The following MYLK variants were observed in gnomAD, a reference collection of about 807,000 sequenced individuals.
The protein encoded by MYLK is myosin light chain kinase, also known as myosin light chain kinase, smooth muscle.
MYLK carries 106 observed loss-of-function variants against 203.4 expected under a neutral mutation model. The ratio of observed to expected loss-of-function variants is 0.52; its 90% CI spans 0.45 to 0.61. MYLK has a LOEUF of 0.61. Ranked by LOEUF, MYLK falls within the 20% of genes least tolerant of loss-of-function variation. The pLI, the probability that MYLK is intolerant of heterozygous loss-of-function variation, is 0.00. For synonymous variants in MYLK, 867 were observed against 959.5 expected (o/e 0.90, Z 1.78); for missense variants, 2,072 against 2,442.3 (o/e 0.85, Z 3.20).
chr3:123,876,903 G>A (rs866187879), intron 1 of MYLK, among the ~76,000 whole-genome samples: 1 of 152,156 alleles, frequency 6.6e-6, no homozygotes, highest in Admixed American at 6.5e-5. Flanking sequence ...ATTTTAGCAT[G>A]AGAAAAATTA....
At chr3:123,780,259 C>A (rs2109027175) in intron 4 of MYLK, among the ~76,000 whole-genome samples, 1 of 152,118 alleles carries the variant, frequency 6.6e-6, no homozygotes, top group African/African-American at 2.4e-5. Context: ...TGTGGTGAAA[C>A]CCCATCTCTA....
intron 4 of MYLK, among the ~76,000 whole-genome samples, chr3:123,777,622 G>A (rs932363109): frequency 2.0e-5 from 3 of 152,206 alleles, no homozygotes; most frequent in Non-Finnish European, 2.9e-5. Context: ...CAGATGAGGC[G>A]AAGAGCAGTG....
At chr3:123,753,757 C>A (rs2063279320) in intron 4 of MYLK, among the ~76,000 whole-genome samples, 1 of 152,118 alleles carries the variant, frequency 6.6e-6, no homozygotes, top group African/African-American at 2.4e-5. Flanking sequence ...CAGCCAAGGA[C>A]CCAGAATTGG....
chr3:123,835,812 T>G (rs1446869430), intron 2 of MYLK: 2 of 152,160 alleles, frequency 1.3e-5, no homozygotes, highest in Non-Finnish European at 2.9e-5. Context: ...TTATTCTAAC[T>G]TCTCCCCCTG....
chr3:123,788,352 C>G (rs2064624700), intron 4 of MYLK, among the ~76,000 whole-genome samples: 1 of 150,266 alleles, frequency 6.7e-6, no homozygotes, highest in African/African-American at 2.5e-5. Context: ...CCAGACATTT[C>G]TTTCAAATTT....
intron 24 of MYLK, among the ~76,000 whole-genome samples, chr3:123,651,824 C>G (rs1159169358): frequency 2.6e-5 from 4 of 152,214 alleles, no homozygotes; most frequent in African/African-American, 9.6e-5. Flanking sequence ...GCCTCTCACC[C>G]CAGAGGTCTG....
chr3:123,638,584 C>G (rs190771829), intron 28 of MYLK: 6 of 216,670 alleles, frequency 2.8e-5, no homozygotes, highest in African/African-American at 1.2e-4. Flanking sequence ...TACAAGGGTT[C>G]TCACCCACCC....
At chr3:123,775,957 T>C (rs1367305197) in intron 4 of MYLK, among the ~76,000 whole-genome samples, 1 of 152,216 alleles carries the variant, frequency 6.6e-6, no homozygotes, top group Non-Finnish European at 1.5e-5. Context: ...TTGATCTTTC[T>C]GACGACTAGG....
intron 2 of MYLK, among the ~76,000 whole-genome samples, chr3:123,874,540 A>C (rs900202496): frequency 6.6e-6 from 1 of 152,164 alleles, no homozygotes; most frequent in African/African-American, 2.4e-5. Context: ...GTCTTGAAGA[A>C]AGCACTGGAG....
intron 2 of MYLK, among the ~76,000 whole-genome samples, chr3:123,850,595 G>GT (rs577223657): frequency 8.5e-4 from 130 of 152,192 alleles, no homozygotes; most frequent in African/African-American, 3.0e-3. Flanking sequence ...GGGGTTGTTT[G>GT]TTTTTTTCTT....
At chr3:123,784,553 A>G in intron 4 of MYLK, among the ~76,000 whole-genome samples, 1 of 151,846 alleles carries the variant, frequency 6.6e-6, no homozygotes, top group East Asian at 1.9e-4. Flanking sequence ...TCTCTACCTT[A>G]CCATTCACCA....
intron 3 of MYLK, 164 bp downstream of exon 3, chr3:123,831,384 C>T (rs1052584517): frequency 7.8e-7 from 1 of 1,289,372 alleles, no homozygotes; most frequent in African/African-American, 1.5e-5. Context: ...AGCATACTGC[C>T]TTCACTCTTA....
At chr3:123,813,334 T>C (rs1165693839) in intron 3 of MYLK, among the ~76,000 whole-genome samples, 2 of 152,114 alleles carry the variant, frequency 1.3e-5, no homozygotes, top group Non-Finnish European at 2.9e-5. Context: ...GAAAAGGAGC[T>C]CTTGGGTCAA....
chr3:123,806,558 G>GT (rs1424056995), intron 3 of MYLK, among the ~76,000 whole-genome samples: 1 of 152,150 alleles, frequency 6.6e-6, no homozygotes, highest in African/African-American at 2.4e-5. Context: ...TACCAAAAGG[G>GT]TTTTTACTTA....
At chr3:123,758,052 C>CAA (rs113861838) in intron 4 of MYLK, among the ~76,000 whole-genome samples, 2 of 129,424 alleles carry the variant, frequency 1.5e-5, no homozygotes, top group African/African-American at 2.8e-5. Flanking sequence ...CGTGGTTGCA[C>CAA]AAAAAAAAAA....
intron 2 of MYLK, among the ~76,000 whole-genome samples, chr3:123,875,135 G>A (rs934212072): frequency 6.6e-6 from 1 of 152,122 alleles, no homozygotes; most frequent in African/African-American, 2.4e-5. Flanking sequence ...CAAGTGAAAT[G>A]AAATCTATGT....
At chr3:123,815,116 T>C (rs1469908800) in intron 3 of MYLK, among the ~76,000 whole-genome samples, 1 of 152,152 alleles carries the variant, frequency 6.6e-6, no homozygotes, top group African/African-American at 2.4e-5. Flanking sequence ...AATAATCCTT[T>C]AGATTATTTC....
chr3:123,819,787 C>CTTTTTT lies in MYLK; in HGVS notation c.-4+11755_-4+11760dup, dbSNP rs5852369. On this transcript the variant is annotated intron_variant, in intron 3 of 33. Coordinates refer to ENST00000360304, the MANE Select transcript of MYLK (RefSeq NM_053025.4). ...TTCATTTGAGATATTTCTAAGCCTC[C>CTTTTTT]TTTTTTTTTTTTTTTTTTTTTTGCA... Among the ~76,000 whole-genome samples, 3 of 74,542 alleles carry CTTTTTT rather than the reference C, an allele frequency of 4.0e-5. No homozygotes were observed. The Admixed American group carries it at 5.3e-4, about 13-fold the overall frequency. The allele number at this position is 74,542 out of a possible 152,430, so 48.9% of individuals were successfully genotyped here. A position where few individuals can be genotyped will look rare whatever the true frequency, so the allele number is the denominator to read the frequency against.
intron 2 of MYLK, among the ~76,000 whole-genome samples, chr3:123,850,823 C>T (rs2030700039): frequency 6.6e-6 from 1 of 152,168 alleles, no homozygotes; most frequent in African/African-American, 2.4e-5. Context: ...CTTACCCAGG[C>T]CTATGTCCTG....
Sources: allele counts gnomAD v4.1 joint callset (sites outside exome capture counted in the v4.1 genomes callset), GRCh38; gene constraint gnomAD v4.1.1; transcripts MANE v1.5; gene names NCBI Gene and HGNC (gene_info 2026-07-23, HGNC 2026-07-21).